Variants in ZNF548 observed in about 807,000 individuals in gnomAD.
ZNF548 encodes the protein zinc finger protein 548.
Under a neutral mutation model 10.2 loss-of-function variants are expected in ZNF548, and 10 were observed. The ratio of observed to expected loss-of-function variants is 0.98; its 90% CI spans 0.60 to 1.66. The LOEUF (loss-of-function observed/expected upper bound fraction) is 1.66. ZNF548 is among the 40% of genes most tolerant of loss of function. The probability of loss-of-function intolerance (pLI) is 0.00; values close to 1 mark genes in which losing one functional copy is unlikely to be tolerated. For missense variants in ZNF548, 599 were observed against 657.0 expected, an observed-to-expected ratio of 0.91 and a Z score of 0.97; for synonymous variants, 217 against 223.5, an observed-to-expected ratio of 0.97 and a Z score of 0.26.
At position 57,402,642 on chromosome 19, in the gene ZNF548, C is replaced by T. The variant is rs894820729; in HGVS notation, c.*2753C>T. ...GGAAAATCTTTAGCCATTAGCATAA[C>T]CTCATTTCGTGCCAGCATGTTCACC... On this transcript the variant is annotated 3_prime_UTR_variant, in exon 4 of 4. Coordinates refer to ENST00000336128, the MANE Select transcript of ZNF548 (RefSeq NM_001172773.2). 6.6e-6 allele frequency: 1 copy of T among 152,226 alleles called. No homozygotes were observed. Among genetic ancestry groups the T allele is most frequent in the African/African-American group, 2.4e-5 (1 of 41,456 alleles). The allele number at this position is 152,226 out of a possible 1,614,324, so 9.4% of individuals were successfully genotyped here. A position where few individuals can be genotyped will look rare whatever the true frequency, so the allele number is the denominator to read the frequency against.
chr19:57,398,956 G>A lies in ZNF548; in HGVS notation c.705G>A (p.Arg235=). 2 of 1,614,050 alleles carry A rather than the reference G, an allele frequency of 1.2e-6. No homozygotes were observed. The highest frequency in any genetic ancestry group is 1.7e-6 in the Non-Finnish European group (2 of 1,179,944). Residue 235 remains arginine (R), a synonymous_variant, in exon 4 of 4, where the codon AGG becomes AGA. Transcript: ENST00000336128. The part of the protein sequence containing the change: ...VEHQKIHTGE[R]SYECNKCGKF... ...ACCAGAAAATCCACACAGGAGAAAG[G>A]TCTTATGAATGTAACAAATGTGGGA...
rs1236439709 is a variant in ZNF548, at chr19:57,395,186, G to A, written c.51+963G>A. ...GGGTCTCTTACTGGGTAGCTGTGCA[G>A]TGGTGGAGGAGTCACTAGACAAATG... is the stretch of plus-strand genomic sequence containing the variant. On this transcript the variant is annotated intron_variant, in intron 2 of 3. Coordinates refer to ENST00000336128, the MANE Select transcript of ZNF548 (RefSeq NM_001172773.2). The surrounding 1 kb of genome is among the most constrained non-coding windows in gnomAD (Gnocchi z 4.8). 6.6e-6 allele frequency among the ~76,000 whole-genome samples: 1 copy of A among 151,978 alleles called. No individual in the cohort carries two copies. The highest frequency in any genetic ancestry group is 1.5e-5 in the Non-Finnish European group (1 of 68,014).
At position 57,399,872 on chromosome 19, in the gene ZNF548, G is replaced by C. The variant is rs780238672; in HGVS notation, c.1621G>C (p.Glu541Gln). The change falls in exon 4 of 4, where the codon GAG becomes CAG. Residue 541 changes from glutamate to glutamine, a missense_variant. Transcript: ENST00000336128. This position sits in a 1 kb window ranked among gnomAD's most constrained non-coding sequence, Gnocchi z 4.0. ...TSLNIRDFTM[E>Q]KVYH Reference sequence around the variant, plus strand: ...ATTAAACATCAGAGATTTCACAATGGAGAAAGTTTACCATTGACTATTGTA... The same window carrying C: ...ATTAAACATCAGAGATTTCACAATGCAGAAAGTTTACCATTGACTATTGTA... 1 of 1,596,980 alleles carries C rather than the reference G, an allele frequency of 6.3e-7. No individual in the cohort carries two copies. The highest frequency in any genetic ancestry group is 8.6e-7 in the Non-Finnish European group (1 of 1,168,640).
At chr19:57,398,379 T>C in intron 3 of ZNF548, 51 bp from the exon 4 acceptor site, 1 of 1,589,096 alleles carries the variant, frequency 6.3e-7, no homozygotes. Flanking sequence ...ATGGAGCTGC[T>C]TCCTCCCACC....
In ZNF548 at chr19:57,399,928, T is replaced by G. The variant is rs1020554481; in HGVS notation, c.*39T>G. 6.9e-7 allele frequency: 1 copy of G among 1,450,286 alleles called. No homozygotes were observed. 89.8% of individuals were successfully genotyped at this position (1,450,286 alleles called of 1,614,324 possible). Reference sequence around the variant, plus strand: ...GTAGTAATGTTATATAAATTCCACATTTTTATGCAACTAATCTCCAGAACA... The same window carrying G: ...GTAGTAATGTTATATAAATTCCACAGTTTTATGCAACTAATCTCCAGAACA... On this transcript the variant is annotated 3_prime_UTR_variant, in exon 4 of 4. Transcript: ENST00000336128. This position sits in a 1 kb window ranked among gnomAD's most constrained non-coding sequence, Gnocchi z 4.0.
At position 57,390,117 on chromosome 19, in the gene ZNF548, G is replaced by T. The variant is rs746360567; in HGVS notation, c.15+3G>T. On this transcript the variant is annotated splice_donor_region_variant and intron_variant, in intron 1 of 3. Transcript: ENST00000336128. ...CCTTGCTGATGAACCTGACTGAGGT[G>T]GGTGTCCCGTCCCAGGCTCCCCCGC... 1.2e-6 allele frequency: 2 copies of T among 1,608,174 alleles called. No individual in the cohort carries two copies. The highest frequency in any genetic ancestry group is 8.5e-7 in the Non-Finnish European group (1 of 1,179,376).
chr19:57,399,962 C>A lies in ZNF548; in HGVS notation c.*73C>A. On this transcript the variant is annotated 3_prime_UTR_variant, in exon 4 of 4. Coordinates refer to ENST00000336128, the MANE Select transcript of ZNF548 (RefSeq NM_001172773.2). The surrounding 1 kb of genome is among the most constrained non-coding windows in gnomAD (Gnocchi z 4.0). ...AACTAATCTCCAGAACATTTTTCCT[C>A]TTACCAAGAAGTAAAATGCTGTACC... 1 of 1,285,626 alleles carries A rather than the reference C, an allele frequency of 7.8e-7. No homozygotes were observed. Among genetic ancestry groups the A allele is most frequent in the South Asian group, 1.5e-5 (1 of 64,640 alleles). The allele number at this position is 1,285,626 out of a possible 1,614,324, so 79.6% of individuals were successfully genotyped here. A position where few individuals can be genotyped will look rare whatever the true frequency, so the allele number is the denominator to read the frequency against.
Position 57,399,158 on chromosome 19 carries a change from C to T in ZNF548, c.907C>T (p.Arg303Trp), listed in dbSNP as rs760441279. ...GTGCAACACATGTGGGAAATTCTTTCGGTACAGCTCCACATTTGTTAGACA... is the reference window on the plus strand; with the variant it reads ...GTGCAACACATGTGGGAAATTCTTTTGGTACAGCTCCACATTTGTTAGACA... ...YECNTCGKFF[R>W]YSSTFVRHQR... Residue 303 changes from arginine to tryptophan, a missense_variant, in exon 4 of 4, where the codon CGG becomes TGG. By Grantham distance (101) the Arg-to-Trp change is moderately radical. Coordinates refer to ENST00000336128, the MANE Select transcript of ZNF548 (RefSeq NM_001172773.2). The surrounding 1 kb of genome is among the most constrained non-coding windows in gnomAD (Gnocchi z 4.0). 17 of 1,610,330 alleles carry T rather than the reference C, an allele frequency of 1.1e-5. No individual in the cohort carries two copies. The highest frequency in any genetic ancestry group is 6.7e-5 in the East Asian group (3 of 44,624).
intron 1 of ZNF548, among the ~76,000 whole-genome samples, chr19:57,391,796 T>TG (rs907414823): frequency 5.5e-5 from 8 of 144,636 alleles, no homozygotes; most frequent in Non-Finnish European, 1.1e-4. Context: ...ACTGTTTTTT[T>TG]TTTTTTTTTT....
intron 2 of ZNF548, among the ~76,000 whole-genome samples, chr19:57,394,925 T>C (rs1184680653): frequency 6.6e-6 from 1 of 152,050 alleles, no homozygotes; most frequent in Non-Finnish European, 1.5e-5. Flanking sequence ...TCAGCTAAGA[T>C]GGGAGAAGTC....
chr19:57,399,535 G>T lies in ZNF548; in HGVS notation c.1284G>T (p.Thr428=). The T allele has an allele frequency of 6.2e-7, 1 of 1,611,714 alleles. No individual in the cohort carries two copies. The change falls in exon 4 of 4, where the codon ACG becomes ACT. Residue 428 remains threonine, a synonymous_variant. Transcript: ENST00000336128. This position sits in a 1 kb window ranked among gnomAD's most constrained non-coding sequence, Gnocchi z 4.0. ...TCATTAGACACCAGAGAGTCCACAC[G>T]GGAGAAAGGCCTTATGAGTGCAGCG... ...CRLIRHQRVH[T]GERPYECSEC...
At chr19:57,394,282 A>G (rs2088649869) in intron 2 of ZNF548, 59 bp downstream of exon 2, 6 of 1,545,914 alleles carry the variant, frequency 3.9e-6, no homozygotes, top group African/African-American at 1.4e-5. Context: ...TGGTTTTGGC[A>G]GGTGACAAAA....
Position 57,398,493 on chromosome 19 carries a change from C to T in ZNF548, c.242C>T (p.Ser81Leu). Residue 81 changes from serine to leucine, a missense_variant, in exon 4 of 4, where the codon TCA becomes TTA. Ser to Leu is a moderately radical substitution (Grantham distance 145). Coordinates refer to ENST00000336128, the MANE Select transcript of ZNF548 (RefSeq NM_001172773.2). Reference sequence around the variant, plus strand: ...CAGCAAGGTTTTTCTGTAGGAGTGTCAGAGGTTACAGCTTCAAAGCCCTGT... The same window carrying T: ...CAGCAAGGTTTTTCTGTAGGAGTGTTAGAGGTTACAGCTTCAAAGCCCTGT... ...PSQQGFSVGV[S>L]EVTASKPCLS... 1 of 1,614,190 alleles carries T rather than the reference C, an allele frequency of 6.2e-7. No homozygotes were observed. Among genetic ancestry groups the T allele is most frequent in the South Asian group, 1.1e-5 (1 of 91,078 alleles).
At position 57,398,478 on chromosome 19, in the gene ZNF548, T is replaced by C; in HGVS notation, c.227T>C (p.Phe76Ser). 1.2e-6 allele frequency: 2 copies of C among 1,614,180 alleles called. No individual in the cohort carries two copies. The change falls in exon 4 of 4, where the codon TTT (phenylalanine) becomes TCT (serine). Residue 76 changes from phenylalanine (F) to serine (S), a missense_variant. Physicochemically the swap from Phe to Ser is radical, Grantham distance 155 (BLOSUM62 -2). Transcript: ENST00000336128. Reference sequence around the variant, plus strand: ...GAGGAGGCACCTTCACAGCAAGGTTTTTCTGTAGGAGTGTCAGAGGTTACA... The same window carrying C: ...GAGGAGGCACCTTCACAGCAAGGTTCTTCTGTAGGAGTGTCAGAGGTTACA... ...EDEEAPSQQG[F>S]SVGVSEVTAS...
intron 2 of ZNF548, among the ~76,000 whole-genome samples, chr19:57,396,561 TGTGA>T (rs2088666207): frequency 6.6e-6 from 1 of 152,164 alleles, no homozygotes; most frequent in Non-Finnish European, 1.5e-5. Flanking sequence ...AATTTATGGA[TGTGA>T]GTGATTGATG....
intron 3 of ZNF548, among the ~76,000 whole-genome samples, chr19:57,397,502 C>T (rs1408862953): frequency 6.6e-6 from 1 of 152,160 alleles, no homozygotes; most frequent in Non-Finnish European, 1.5e-5. Flanking sequence ...TGTCCCCTTT[C>T]TCTCACTGAT....
rs1258911973 is a variant in ZNF548, at chr19:57,400,891, G to T, written c.*1002G>T. 1 of 152,030 alleles carries T rather than the reference G, an allele frequency of 6.6e-6. No individual in the cohort carries two copies. The highest frequency in any genetic ancestry group is 1.5e-5 in the Non-Finnish European group (1 of 68,004). 9.4% of individuals were successfully genotyped at this position (152,030 alleles called of 1,614,324 possible). A position where few individuals can be genotyped will look rare whatever the true frequency, so the allele number is the denominator to read the frequency against. ...TTTGGGGTTTTTTGTAGTGCCTTTTGTTTTGGATAGCAGCTATCTTGTTGG... is the reference window on the plus strand; with the variant it reads ...TTTGGGGTTTTTTGTAGTGCCTTTTTTTTTGGATAGCAGCTATCTTGTTGG... On this transcript the variant is annotated 3_prime_UTR_variant, in exon 4 of 4. Coordinates refer to ENST00000336128, the MANE Select transcript of ZNF548 (RefSeq NM_001172773.2).
rs2088702856 is a variant in ZNF548 at position 57,400,062 on chromosome 19, TA to T, written c.*174del. Reference sequence around the variant, plus strand: ...CTATATTTCTATACTCTATGGTACTTATATGAGGTACCAATAGATATCTATG... The same window carrying T: ...CTATATTTCTATACTCTATGGTACTTTATGAGGTACCAATAGATATCTATG... On this transcript the variant is annotated 3_prime_UTR_variant, in exon 4 of 4. Transcript: ENST00000336128. The T allele has an allele frequency of 1.7e-6, 1 of 576,876 alleles. No homozygotes were observed. 35.7% of individuals were successfully genotyped at this position (576,876 alleles called of 1,614,324 possible).
In ZNF548 at chr19:57,390,159, G is replaced by A. The variant is rs1411298956; in HGVS notation, c.15+45G>A. ...CTCCCCCGCCCGACCGGTCCTCCCA[G>A]TGCTGAAGCCCCCTGAAGGGGCCCT... On this transcript the variant is annotated intron_variant, in intron 1 of 3. Coordinates refer to ENST00000336128, the MANE Select transcript of ZNF548 (RefSeq NM_001172773.2). 1.9e-6 allele frequency: 3 copies of A among 1,601,214 alleles called. No homozygotes were observed. The East Asian group carries it at 6.7e-5, about 36-fold the overall frequency.
Sources: allele counts gnomAD v4.1 joint callset (sites outside exome capture counted in the v4.1 genomes callset), GRCh38; gene constraint gnomAD v4.1.1; non-coding constraint Gnocchi (gnomAD v3.1); transcripts MANE v1.5; gene names NCBI Gene and HGNC (gene_info 2026-07-23, HGNC 2026-07-21).